Variants in NEK11 observed in about 807,000 individuals in gnomAD.
The protein encoded by NEK11 is serine/threonine-protein kinase Nek11.
In NEK11, 72 loss-of-function variants were observed where a neutral mutation model predicts 80.7. That is an observed-to-expected ratio of 0.89 (90% confidence interval 0.74 to 1.08). NEK11 has a LOEUF of 1.08. NEK11 is among the 50% of genes least tolerant of loss of function. The pLI is 0.00. For missense variants in NEK11, 764 were observed against 763.6 expected (o/e 1.00, Z -0.01); for synonymous variants, 251 against 260.7 (o/e 0.96, Z 0.36).
chr3:131,086,277 T>G (rs2075972880), intron 4 of NEK11, among the ~76,000 whole-genome samples: 1 of 152,192 alleles, frequency 6.6e-6, no homozygotes. Flanking sequence ...CTTCACTCAT[T>G]AATTTTAGTC....
intron 14 of NEK11, among the ~76,000 whole-genome samples, chr3:131,187,509 G>C (rs188807275): frequency 5.9e-5 from 9 of 152,232 alleles, no homozygotes; most frequent in African/African-American, 1.2e-4. Context: ...TTGGTTTACT[G>C]AAATTCTCAA....
At chr3:131,165,402 T>G in intron 11 of NEK11, 24 bp from the exon 12 acceptor site, 2 of 1,431,994 alleles carry the variant, frequency 1.4e-6, no homozygotes, top group Non-Finnish European at 2.0e-6. Flanking sequence ...CAGTTATTTT[T>G]CTACATTCAC....
At chr3:131,154,680 T>C (rs2090336554) in intron 9 of NEK11, among the ~76,000 whole-genome samples, 1 of 152,220 alleles carries the variant, frequency 6.6e-6, no homozygotes, top group Admixed American at 6.5e-5. Flanking sequence ...CTCACTTGCC[T>C]AAACCTTGCA....
intron 4 of NEK11, among the ~76,000 whole-genome samples, chr3:131,100,049 G>C (rs1180005442): frequency 6.6e-6 from 1 of 152,182 alleles, no homozygotes; most frequent in East Asian, 1.9e-4. Flanking sequence ...TTCTCAAAGA[G>C]AATGGTTCCA....
chr3:131,218,577 C>T (rs2094919173), intron 14 of NEK11, among the ~76,000 whole-genome samples: 1 of 152,142 alleles, frequency 6.6e-6, no homozygotes, highest in African/African-American at 2.4e-5. Flanking sequence ...CCGCTAAAAG[C>T]CATATGTTGG....
chr3:131,349,438 C>T (rs1286914739), intron 17 of NEK11, 119 bp from the exon 18 acceptor site: 2 of 815,724 alleles, frequency 2.5e-6, no homozygotes, highest in South Asian at 1.8e-5. Flanking sequence ...CTTTTCTTCC[C>T]CCTTTTTTTC....
At chr3:131,033,324 G>A (rs2065152415) in intron 3 of NEK11, among the ~76,000 whole-genome samples, 1 of 152,076 alleles carries the variant, frequency 6.6e-6, no homozygotes, top group African/African-American at 2.4e-5. Context: ...TAAGGAATTG[G>A]TTAATGTTAG....
At chr3:131,124,623 T>G (rs1372233445) in intron 5 of NEK11, among the ~76,000 whole-genome samples, 1 of 152,148 alleles carries the variant, frequency 6.6e-6, no homozygotes, top group Admixed American at 6.6e-5. Flanking sequence ...TCACAGTTCC[T>G]GCCACACCAA....
chr3:131,083,028 A>G (rs183172633), intron 4 of NEK11, among the ~76,000 whole-genome samples: 166 of 152,336 alleles, frequency 1.1e-3, no homozygotes, highest in Admixed American at 3.5e-3. Context: ...CCAGACCAGT[A>G]TCATCAGCAT....
At chr3:131,034,925 A>G (rs2065421254) in intron 3 of NEK11, among the ~76,000 whole-genome samples, 2 of 152,196 alleles carry the variant, frequency 1.3e-5, no homozygotes, top group South Asian at 4.1e-4. Context: ...TCTGTGTACT[A>G]TCTAACTTAT....
chr3:131,216,645 A>G (rs1055920469), intron 14 of NEK11, among the ~76,000 whole-genome samples: 7 of 151,590 alleles, frequency 4.6e-5, no homozygotes, highest in Non-Finnish European at 8.8e-5. Flanking sequence ...GTAAGACATG[A>G]TGCCAATGGA....
chr3:131,270,610 A>G (rs2096164001), intron 16 of NEK11, among the ~76,000 whole-genome samples: 2 of 152,204 alleles, frequency 1.3e-5, no homozygotes, highest in African/African-American at 4.8e-5. Flanking sequence ...TGGGAGGCAG[A>G]GGGAAAGAAA....
chr3:131,233,908 G>A (rs1436214244), intron 15 of NEK11, among the ~76,000 whole-genome samples: 1 of 152,172 alleles, frequency 6.6e-6, no homozygotes, highest in African/African-American at 2.4e-5. Flanking sequence ...AGGAAACTGA[G>A]GCATAAGGAA....
At chr3:131,101,922 G>A (rs2078422473) in intron 4 of NEK11, among the ~76,000 whole-genome samples, 1 of 152,164 alleles carries the variant, frequency 6.6e-6, no homozygotes, top group African/African-American at 2.4e-5. Context: ...GTGCATATAT[G>A]TTTGGTATAG....
rs760582540 is a variant in NEK11 at position 131,273,565 on chromosome 3, G to A, written c.1709G>A (p.Arg570His). 26 of 1,612,968 alleles carry A rather than the reference G, an allele frequency of 1.6e-5. No homozygotes were observed. The highest frequency in any genetic ancestry group is 1.1e-4 in the South Asian group (10 of 91,052). ...NSVMARTKMK[R>H]MRESAMQKLG... ...GTGATGGCCAGGACCAAGATGAAAC[G>A]CATGAGGGAGTAAGTAGCATGTTGC... The change falls in exon 17 of 18, where the codon CGC becomes CAC. Residue 570 changes from arginine to histidine, a missense_variant. Physicochemically the swap from Arg to His is conservative, Grantham distance 29 (BLOSUM62 0). Transcript: ENST00000383366.
chr3:131,030,377 A>G (rs1430374548), intron 3 of NEK11, among the ~76,000 whole-genome samples: 1 of 152,210 alleles, frequency 6.6e-6, no homozygotes, highest in Non-Finnish European at 1.5e-5. Flanking sequence ...TATCCAAATG[A>G]CCTAAAGAAG....
Position 131,225,953 on chromosome 3 carries a change from G to A in NEK11, c.1400-2575G>A, listed in dbSNP as rs778732514. On this transcript the variant is annotated intron_variant, in intron 14 of 17. Coordinates refer to ENST00000383366, the MANE Select transcript of NEK11 (RefSeq NM_024800.5). ...TGTAAATGATATTTCTTACCATGTC[G>A]TAGTTTGAAAGCCAAGGGAGTGGAC... 1.2e-4 allele frequency among the ~76,000 whole-genome samples: 18 copies of A among 152,264 alleles called. No homozygotes were observed. The South Asian group carries it at 1.7e-3, about 14-fold the overall frequency.
intron 14 of NEK11, among the ~76,000 whole-genome samples, chr3:131,203,757 GTGTGTGTGTGTATATATATATA>G (rs2094338325): frequency 5.4e-5 from 2 of 37,048 alleles, no homozygotes; most frequent in African/African-American, 1.9e-4. Flanking sequence ...ATGTGTGTGT[GTGTGTGTGTGTATATATATATA>G]TATATATATA....
At chr3:131,242,191 G>A (rs1256592696) in intron 15 of NEK11, among the ~76,000 whole-genome samples, 1 of 152,136 alleles carries the variant, frequency 6.6e-6, no homozygotes. Context: ...ACTTGAATCT[G>A]TGGGACAGTT....
Sources: gnomAD v4.1 joint callset for allele counts (sites outside exome capture counted in the v4.1 genomes callset) on GRCh38, gnomAD v4.1.1 for gene constraint, MANE v1.5 for transcripts, NCBI Gene and HGNC (gene_info 2026-07-23, HGNC 2026-07-21) for gene names.